Variants in PXDNL observed in about 807,000 individuals in gnomAD.
The protein encoded by PXDNL is peroxidasin like.
In PXDNL, 145 loss-of-function variants were observed where a neutral mutation model predicts 150.8. The ratio of observed to expected loss-of-function variants is 0.96; its 90% CI spans 0.84 to 1.10. The LOEUF is 1.10. PXDNL is among the 50% of genes least tolerant of loss of function. PXDNL has a pLI of 0.00. For synonymous variants in PXDNL, 757 were observed against 725.7 expected (o/e 1.04, Z -0.69); for missense variants, 2,087 against 1,873.9 (o/e 1.11, Z -2.10).
chr8:51,564,418 C>T (rs745601224), intron 3 of PXDNL, among the ~76,000 whole-genome samples: 7 of 151,682 alleles, frequency 4.6e-5, no homozygotes, highest in Non-Finnish European at 1.0e-4. Context: ...TTGTTACATA[C>T]GTAAATTTCA....
At chr8:51,334,571 G>T (rs1002322480) in intron 21 of PXDNL, among the ~76,000 whole-genome samples, 9 of 152,140 alleles carry the variant, frequency 5.9e-5, no homozygotes, top group African/African-American at 2.2e-4. Flanking sequence ...TAGACCATTA[G>T]CAAGATTAAC....
intron 17 of PXDNL, among the ~76,000 whole-genome samples, chr8:51,402,767 A>T (rs1808295757): frequency 6.6e-6 from 1 of 152,174 alleles, no homozygotes; most frequent in Non-Finnish European, 1.5e-5. Flanking sequence ...GAAACAATAA[A>T]AAGAAACAGA....
chr8:51,803,465 C>A (rs537474434), intron 1 of PXDNL, among the ~76,000 whole-genome samples: 92 of 152,274 alleles, frequency 6.0e-4, no homozygotes, highest in African/African-American at 2.2e-3. Flanking sequence ...TCTCTTCCAA[C>A]TTCTTAGAGG....
chr8:51,718,676 T>C (rs1585698358), intron 1 of PXDNL, among the ~76,000 whole-genome samples: 1 of 152,320 alleles, frequency 6.6e-6, no homozygotes. Flanking sequence ...TTCCCTGTGC[T>C]ATAAAACTCA....
intron 12 of PXDNL, among the ~76,000 whole-genome samples, 181 bp from the exon 13 acceptor site, chr8:51,426,939 A>G (rs145945821): frequency 4.5e-4 from 69 of 152,226 alleles, no homozygotes; most frequent in African/African-American, 1.6e-3. Flanking sequence ...CGGCAAGTAC[A>G]GCAGAGGCCG....
intron 4 of PXDNL, among the ~76,000 whole-genome samples, chr8:51,545,079 A>T (rs1812327557): frequency 6.6e-6 from 1 of 152,234 alleles, no homozygotes; most frequent in Non-Finnish European, 1.5e-5. Flanking sequence ...AACAGCATGG[A>T]ATCAGTTTTA....
chr8:51,776,234 C>T (rs1484738174), intron 1 of PXDNL, among the ~76,000 whole-genome samples: 3 of 152,266 alleles, frequency 2.0e-5, no homozygotes, highest in Non-Finnish European at 4.4e-5. Flanking sequence ...CCTATGATCT[C>T]GCCCTGCCTC....
At chr8:51,796,392 G>A (rs775807241) in intron 1 of PXDNL, among the ~76,000 whole-genome samples, 1 of 149,198 alleles carries the variant, frequency 6.7e-6, no homozygotes, top group Non-Finnish European at 1.5e-5. Context: ...ACGAGCTGGT[G>A]TTTTGAAAAA....
intron 3 of PXDNL, among the ~76,000 whole-genome samples, chr8:51,557,637 C>T (rs374690490): frequency 8.5e-5 from 13 of 152,088 alleles, no homozygotes; most frequent in South Asian, 4.1e-4. Context: ...CAAGTGTCTT[C>T]GGAATGTGCT....
chr8:51,397,938 G>A (rs906259638), intron 17 of PXDNL, among the ~76,000 whole-genome samples: 3 of 151,646 alleles, frequency 2.0e-5, no homozygotes, highest in Admixed American at 1.3e-4. Flanking sequence ...CCGGTGTGAA[G>A]ACACATAGTT....
intron 2 of PXDNL, among the ~76,000 whole-genome samples, chr8:51,607,367 T>C (rs1284902680): frequency 6.6e-6 from 1 of 152,232 alleles, no homozygotes; most frequent in Non-Finnish European, 1.5e-5. Flanking sequence ...GAGCCTTCAA[T>C]CCCTGATGTT....
intron 1 of PXDNL, among the ~76,000 whole-genome samples, chr8:51,753,912 G>T (rs2037071666): frequency 1.3e-5 from 2 of 152,178 alleles, no homozygotes; most frequent in Admixed American, 1.3e-4. Flanking sequence ...CTGATTTGAT[G>T]AAAGTCTCAC....
intron 1 of PXDNL, among the ~76,000 whole-genome samples, chr8:51,713,221 C>T (rs1816535350): frequency 6.6e-6 from 1 of 152,218 alleles, no homozygotes; most frequent in Non-Finnish European, 1.5e-5. Flanking sequence ...CAGCTTGCTG[C>T]TATGCAAAGG....
intron 17 of PXDNL, among the ~76,000 whole-genome samples, chr8:51,376,646 C>T (rs1009939162): frequency 6.6e-6 from 1 of 151,886 alleles, no homozygotes; most frequent in African/African-American, 2.4e-5. Flanking sequence ...CAGGGAAGTG[C>T]AGTCTTTTTG....
chr8:51,623,954 G>A (rs545314094), intron 2 of PXDNL, among the ~76,000 whole-genome samples: 2 of 152,098 alleles, frequency 1.3e-5, no homozygotes, highest in African/African-American at 4.8e-5. Context: ...GTAGCCTGCT[G>A]TGGTGGCGTA....
At chr8:51,474,307 T>C (rs1158535292) in intron 7 of PXDNL, among the ~76,000 whole-genome samples, 1 of 152,090 alleles carries the variant, frequency 6.6e-6, no homozygotes, top group African/African-American at 2.4e-5. Flanking sequence ...TAGAGATACA[T>C]AGAGACATAT....
intron 2 of PXDNL, among the ~76,000 whole-genome samples, chr8:51,600,880 T>C (rs1407364714): frequency 7.1e-6 from 1 of 141,396 alleles, no homozygotes; most frequent in Non-Finnish European, 1.5e-5. Flanking sequence ...ATAAATTACA[T>C]CTTATATAAA....
intron 2 of PXDNL, among the ~76,000 whole-genome samples, chr8:51,629,162 T>G (rs181998189): frequency 1.2e-3 from 181 of 151,592 alleles, no homozygotes; most frequent in African/African-American, 4.1e-3. Flanking sequence ...GAACAATGTA[T>G]GAACAAATAG....
chr8:51,754,865 G>C (rs2037083364), intron 1 of PXDNL, among the ~76,000 whole-genome samples: 1 of 152,038 alleles, frequency 6.6e-6, no homozygotes, highest in Non-Finnish European at 1.5e-5. Context: ...GTAGGAGAAG[G>C]CAATATTTGT....
Sources: gnomAD v4.1 joint callset for allele counts (sites outside exome capture counted in the v4.1 genomes callset) on GRCh38, gnomAD v4.1.1 for gene constraint, MANE v1.5 for transcripts, NCBI Gene and HGNC (gene_info 2026-07-23, HGNC 2026-07-21) for gene names.